FRY: variants seen among roughly 807,000 people sequenced by gnomAD.
The protein encoded by FRY is FRY microtubule binding protein.
A neutral mutation model predicts 348.4 loss-of-function variants in FRY; 128 were observed. The ratio of observed to expected loss-of-function variants is 0.37; its 90% CI spans 0.32 to 0.43. The LOEUF (loss-of-function observed/expected upper bound fraction) is 0.43. Among genes scored for constraint, FRY ranks in the 20% least tolerant of loss-of-function variants. The pLI is 1.00. For missense variants in FRY, 2,736 were observed against 3,695.2 expected (o/e 0.74, Z 6.73); for synonymous variants, 1,370 against 1,374.7 (o/e 1.00, Z 0.08).
At chr13:32,065,846 G>A (rs143072344) in intron 1 of FRY, among the ~76,000 whole-genome samples, 4 of 152,182 alleles carry the variant, frequency 2.6e-5, no homozygotes, top group South Asian at 2.1e-4. Flanking sequence ...TCAAGTGATC[G>A]TCCTGTCTAG....
At chr13:32,081,741 A>C (rs560845647) in intron 2 of FRY, among the ~76,000 whole-genome samples, 17 of 152,366 alleles carry the variant, frequency 1.1e-4, no homozygotes, top group South Asian at 6.2e-4. Context: ...CTTGTAGGCC[A>C]GCAAATGTGA....
In FRY at chr13:32,295,260, C is replaced by A. The variant is rs1303978749; in HGVS notation, c.8842C>A (p.Leu2948Met). ...SSSDDEVQTL[L>M]NIYFRHQTLG... ...TTCTGATGATGAGGTCCAGACACTA[C>A]TGAATATTTATTTCCGTCACCAAAC... Residue 2948 changes from leucine to methionine, a missense_variant, in exon 61 of 61, where the codon CTG (leucine) becomes ATG (methionine). Around this residue, in one of 9 missense-constraint regions of FRY, gnomAD observed 157 missense variants for 215.2 expected, o/e 0.73. Coordinates refer to ENST00000542859, the MANE Select transcript of FRY (RefSeq NM_023037.3). 6.2e-7 allele frequency: 1 copy of A among 1,613,644 alleles called. No individual in the cohort carries two copies. The highest frequency in any genetic ancestry group is 8.5e-7 in the Non-Finnish European group (1 of 1,179,556).
At chr13:32,164,127 A>T (rs1204542058) in intron 17 of FRY, among the ~76,000 whole-genome samples, 1 of 152,180 alleles carries the variant, frequency 6.6e-6, no homozygotes, top group Admixed American at 6.5e-5. Flanking sequence ...TCTCCTTGAG[A>T]GGGTCAGAGG....
rs1203686740 is a variant in FRY, at chr13:32,275,005, TC to T, written c.8286+16del. 6.8e-6 allele frequency: 11 copies of T among 1,611,238 alleles called. No homozygotes were observed. In the Middle Eastern group the frequency reaches 5.0e-4, roughly 73 times the overall value. The stretch of plus-strand genomic sequence containing the variant: ...GATGCCGAGACTGTGAGTATCCCAG[TC>T]CTGCTCTGACAGTGAAGGGCCTACG... On this transcript the variant is annotated intron_variant, in intron 56 of 60. Transcript: ENST00000542859.
rs183455086 is a variant in FRY at position 32,051,395 on chromosome 13, A to T, written c.70+19530A>T. The stretch of plus-strand genomic sequence containing the variant: ...GCAGATGGAAGGGAATTAAAGAGCT[A>T]CCTACCGGAATGAAAAAGAAGCCCA... On this transcript the variant is annotated intron_variant, in intron 1 of 60. Transcript: ENST00000542859. 5.3e-5 allele frequency among the ~76,000 whole-genome samples: 8 copies of T among 152,260 alleles called. No individual in the cohort carries two copies. In the East Asian group the frequency reaches 9.6e-4, roughly 18 times the overall value.
intron 4 of FRY, among the ~76,000 whole-genome samples, chr13:32,119,056 T>C: frequency 6.6e-6 from 1 of 152,328 alleles, no homozygotes; most frequent in South Asian, 2.1e-4. Context: ...AAAATTGTGT[T>C]ACTGATTATT....
At chr13:32,134,625 A>T (rs536747990) in intron 8 of FRY, among the ~76,000 whole-genome samples, 204 of 152,358 alleles carry the variant, frequency 1.3e-3, no homozygotes, top group African/African-American at 4.7e-3. Context: ...GACTCAGTGG[A>T]TACACGTGTG....
chr13:32,064,248 AT>A (rs1874108628), intron 1 of FRY, among the ~76,000 whole-genome samples: 1 of 152,056 alleles, frequency 6.6e-6, no homozygotes, highest in Admixed American at 6.6e-5. Flanking sequence ...CCATCACCAC[AT>A]TCCCCCCACC....
In FRY at chr13:32,078,815, T is replaced by C. The variant is rs754760909; in HGVS notation, c.71-19T>C. The C allele has an allele frequency of 6.3e-7, 1 of 1,589,404 alleles. No homozygotes were observed. Among genetic ancestry groups the C allele is most frequent in the Non-Finnish European group, 8.6e-7 (1 of 1,157,730 alleles). On this transcript the variant is annotated intron_variant, in intron 1 of 60. Coordinates refer to ENST00000542859, the MANE Select transcript of FRY (RefSeq NM_023037.3). ...TGACATTATTATCAGCCAGTAAGAA[T>C]GCCCATTCTGTTTTTCAGCTTCTCC...
intron 50 of FRY, among the ~76,000 whole-genome samples, chr13:32,253,992 C>T (rs2138517517): frequency 6.6e-6 from 1 of 152,224 alleles, no homozygotes; most frequent in African/African-American, 2.4e-5. Flanking sequence ...CATTAAAAAG[C>T]AGCGACGTGA....
chr13:32,200,109 A>G (rs1379161193), intron 29 of FRY, among the ~76,000 whole-genome samples: 9 of 152,144 alleles, frequency 5.9e-5, no homozygotes, highest in African/African-American at 2.2e-4. Context: ...GATATGTATC[A>G]ATCCATTAAT....
At chr13:32,108,596 A>C (rs1214259980) in intron 3 of FRY, among the ~76,000 whole-genome samples, 1 of 152,198 alleles carries the variant, frequency 6.6e-6, no homozygotes, top group Non-Finnish European at 1.5e-5. Context: ...GTTAAATTCC[A>C]AAAAACAGAC....
chr13:32,157,495 A>T, intron 16 of FRY, 90 bp downstream of exon 16: 1 of 1,292,766 alleles, frequency 7.7e-7, no homozygotes, highest in Admixed American at 1.8e-5. Context: ...TTTTGTTTTC[A>T]TCTTCTTAGG....
chr13:32,242,255 A>T (rs916913321), intron 46 of FRY, among the ~76,000 whole-genome samples: 3 of 152,192 alleles, frequency 2.0e-5, no homozygotes, highest in Admixed American at 6.5e-5. Flanking sequence ...CTGAAGTCGA[A>T]TTATTCAGTC....
intron 7 of FRY, 145 bp from the exon 8 acceptor site, chr13:32,131,527 A>G (rs1593648758): frequency 3.0e-6 from 2 of 662,424 alleles, no homozygotes; most frequent in East Asian, 5.4e-5. Context: ...CCCAAACACC[A>G]AATCCTTACA....
chr13:32,080,539 G>A (rs919491490), intron 2 of FRY, among the ~76,000 whole-genome samples: 1 of 152,148 alleles, frequency 6.6e-6, no homozygotes, highest in African/African-American at 2.4e-5. Context: ...GTCTTTGCAC[G>A]GTCCTCTTCA....
At chr13:32,069,640 A>G (rs895710066) in intron 1 of FRY, among the ~76,000 whole-genome samples, 1 of 152,236 alleles carries the variant, frequency 6.6e-6, no homozygotes, top group African/African-American at 2.4e-5. Flanking sequence ...ATATGCAACA[A>G]CACAGATGAA....
chr13:32,202,632 T>A, intron 31 of FRY, 105 bp downstream of exon 31: 1 of 1,068,200 alleles, frequency 9.4e-7, no homozygotes, highest in South Asian at 1.3e-5. Context: ...CTAAGTAATT[T>A]TTCTTTTTAA....
At chr13:32,037,721 C>A (rs1872589753) in intron 1 of FRY, among the ~76,000 whole-genome samples, 1 of 152,206 alleles carries the variant, frequency 6.6e-6, no homozygotes, top group Admixed American at 6.5e-5. Flanking sequence ...TGCAAAGATT[C>A]TCCTATCCTA....
Sources: gnomAD v4.1 joint callset for allele counts (sites outside exome capture counted in the v4.1 genomes callset) on GRCh38, gnomAD v4.1.1 for gene constraint, gnomAD v4.1.1 regional missense constraint, MANE v1.5 for transcripts, NCBI Gene and HGNC (gene_info 2026-07-23, HGNC 2026-07-21) for gene names.